Variants in VAV3 observed in about 807,000 individuals in gnomAD.
VAV3 encodes the protein vav guanine nucleotide exchange factor 3.
VAV3 carries 94 observed loss-of-function variants against 131.2 expected under a neutral mutation model. The ratio of observed to expected loss-of-function variants is 0.72; its 90% confidence interval spans 0.61 to 0.85. VAV3 has a LOEUF of 0.85. Ranked by LOEUF, VAV3 falls within the 40% of genes least tolerant of loss-of-function variation. The pLI, the probability that VAV3 is intolerant of heterozygous loss-of-function variation, is 0.00. For synonymous variants in VAV3, 349 were observed against 342.0 expected (o/e 1.02, Z -0.22); for missense variants, 939 against 1,002.7 (o/e 0.94, Z 0.86).
At chr1:107,947,933 G>A (rs1435294180) in intron 1 of VAV3, among the ~76,000 whole-genome samples, 1 of 152,092 alleles carries the variant, frequency 6.6e-6, no homozygotes, top group African/African-American at 2.4e-5. Context: ...TCACAACCTA[G>A]GAGTAATAAC....
At chr1:107,848,587 G>C (rs1195155577) in intron 2 of VAV3, among the ~76,000 whole-genome samples, 3 of 152,046 alleles carry the variant, frequency 2.0e-5, no homozygotes, top group Non-Finnish European at 2.9e-5. Context: ...AATAATAAGA[G>C]GTATTTATGA....
intron 2 of VAV3, among the ~76,000 whole-genome samples, chr1:107,825,249 G>T (rs1198801256): frequency 6.6e-6 from 1 of 152,102 alleles, no homozygotes; most frequent in African/African-American, 2.4e-5. Context: ...CATACAGATA[G>T]GTTGGTCTAA....
At position 107,642,719 on chromosome 1, in the gene VAV3, C is replaced by A; in HGVS notation, c.1814G>T (p.Gly605Val). 1 of 1,613,320 alleles carries A rather than the reference C, an allele frequency of 6.2e-7. No individual in the cohort carries two copies. Among genetic ancestry groups the A allele is most frequent in the South Asian group, 1.1e-5 (1 of 91,018 alleles). The change falls in exon 20 of 27, where the codon GGA becomes GTA. Residue 605 changes from glycine to valine, a missense_variant. Physicochemically the swap from Gly to Val is moderately radical, Grantham distance 109 (BLOSUM62 -3). Transcript: ENST00000370056. ...PKMQVIRNYS[G>V]TPPPALHEGP... ...TTCATGCAGAGCTGGGGGTGGTGTT[C>A]CAGAATAGTTCCTAATGACCTGCAT...
intron 15 of VAV3, among the ~76,000 whole-genome samples, chr1:107,734,304 A>G (rs1306841233): frequency 6.6e-6 from 1 of 152,228 alleles, no homozygotes; most frequent in Non-Finnish European, 1.5e-5. Context: ...TCCACCAACT[A>G]ACGGGCAAAA....
chr1:107,731,194 A>G (rs1662218394), intron 15 of VAV3, among the ~76,000 whole-genome samples: 1 of 152,192 alleles, frequency 6.6e-6, no homozygotes, highest in African/African-American at 2.4e-5. Flanking sequence ...GCTATGCACA[A>G]TTCAATCAGA....
chr1:107,819,453 G>A (rs1361511711), intron 2 of VAV3, among the ~76,000 whole-genome samples: 1 of 151,290 alleles, frequency 6.6e-6, no homozygotes, highest in Non-Finnish European at 1.5e-5. Context: ...TGGGAGAATT[G>A]CCTTGGGCCA....
At chr1:107,776,704 T>C (rs1041735815) in intron 4 of VAV3, among the ~76,000 whole-genome samples, 1 of 152,226 alleles carries the variant, frequency 6.6e-6, no homozygotes, top group African/African-American at 2.4e-5. Flanking sequence ...ATCACGCATA[T>C]ATTTATTTGT....
rs891230482 is a variant in VAV3 at position 107,768,577 on chromosome 1, TCAACAAA to T, written c.649-75_649-69del. 4.1e-5 allele frequency: 53 copies of T among 1,301,100 alleles called. 1 individual carries two copies. Among genetic ancestry groups the T allele is most frequent in the Non-Finnish European group, 5.7e-5 (53 of 922,410 alleles). The allele number at this position is 1,301,100 out of a possible 1,614,324, so 80.6% of individuals were successfully genotyped here. On this transcript the variant is annotated intron_variant, in intron 6 of 26. Transcript: ENST00000370056. ...TCCTAATCTATATAATAGTTTTTCA[TCAACAAA>T]CAACAAATACGTTTTGAAAGTCAAT...
intron 20 of VAV3, among the ~76,000 whole-genome samples, chr1:107,618,300 G>T (rs890201248): frequency 6.6e-6 from 1 of 152,134 alleles, no homozygotes; most frequent in Non-Finnish European, 1.5e-5. Flanking sequence ...TATGAATTTT[G>T]TGAAGGCATA....
chr1:107,879,555 T>A (rs745882108), intron 1 of VAV3, among the ~76,000 whole-genome samples: 2 of 150,636 alleles, frequency 1.3e-5, no homozygotes, highest in African/African-American at 2.4e-5. Flanking sequence ...TACTTGAGTG[T>A]TTTTTTTTCC....
intron 20 of VAV3, among the ~76,000 whole-genome samples, chr1:107,626,391 T>C (rs992064693): frequency 2.0e-5 from 3 of 152,208 alleles, no homozygotes; most frequent in Non-Finnish European, 4.4e-5. Context: ...ATACTGCCTT[T>C]TTCTCCTTTC....
At chr1:107,596,741 C>T (rs1351585590) in intron 24 of VAV3, among the ~76,000 whole-genome samples, 1 of 152,182 alleles carries the variant, frequency 6.6e-6, no homozygotes, top group East Asian at 1.9e-4. Flanking sequence ...ACAGCAATTT[C>T]TACTTTCCTG....
At chr1:107,693,364 T>TA (rs1299340574) in intron 17 of VAV3, among the ~76,000 whole-genome samples, 2 of 152,186 alleles carry the variant, frequency 1.3e-5, no homozygotes, top group Non-Finnish European at 2.9e-5. Context: ...ATTAACAAAA[T>TA]AAACTTAACA....
intron 17 of VAV3, among the ~76,000 whole-genome samples, chr1:107,691,701 C>T (rs1159587591): frequency 6.6e-6 from 1 of 152,110 alleles, no homozygotes; most frequent in Non-Finnish European, 1.5e-5. Context: ...TTTCAAGAAC[C>T]TTTCTAGATG....
At chr1:107,641,849 G>T (rs1655364975) in intron 20 of VAV3, among the ~76,000 whole-genome samples, 1 of 152,092 alleles carries the variant, frequency 6.6e-6, no homozygotes, top group African/African-American at 2.4e-5. Context: ...TAATAAAAAT[G>T]ATAATTATGA....
chr1:107,760,869 T>C lies in VAV3; in HGVS notation c.932A>G (p.Lys311Arg). The change falls in exon 10 of 27, where the codon AAA becomes AGA. Residue 311 changes from lysine (K) to arginine (R), a missense_variant. Transcript: ENST00000370056. ...AGTAAATTTCCCATTATTTGCTCTTTTGGAACATTCCTAATGAAATGTTTT... is the reference window on the plus strand; with the variant it reads ...AGTAAATTTCCCATTATTTGCTCTTCTGGAACATTCCTAATGAAATGTTTT... The part of the protein sequence containing the change: ...DVKLKLEECS[K>R]RANNGKFTLR... The C allele has an allele frequency of 6.2e-7, 1 of 1,613,344 alleles. No individual in the cohort carries two copies.
intron 2 of VAV3, among the ~76,000 whole-genome samples, chr1:107,833,085 G>C (rs1668323908): frequency 6.6e-6 from 1 of 152,156 alleles, no homozygotes; most frequent in African/African-American, 2.4e-5. Flanking sequence ...TTTACATTAA[G>C]CTTAGCGAGG....
chr1:107,956,235 T>C (rs1028844150), intron 1 of VAV3, among the ~76,000 whole-genome samples: 24 of 152,316 alleles, frequency 1.6e-4, no homozygotes, highest in African/African-American at 5.8e-4. Flanking sequence ...GATTACGAGT[T>C]GAGAGAAAGA....
intron 15 of VAV3, among the ~76,000 whole-genome samples, chr1:107,729,317 G>A (rs899110870): frequency 6.6e-6 from 1 of 152,120 alleles, no homozygotes; most frequent in Admixed American, 6.5e-5. Context: ...CAAGTCATTA[G>A]TCAAAGACTA....
Sources: allele counts gnomAD v4.1 joint callset (sites outside exome capture counted in the v4.1 genomes callset), GRCh38; gene constraint gnomAD v4.1.1; transcripts MANE v1.5; gene names NCBI Gene and HGNC (gene_info 2026-07-23, HGNC 2026-07-21).